Variants in TUSC3 observed in about 807,000 individuals in gnomAD.
TUSC3 encodes the protein dolichyl-diphosphooligosaccharide--protein glycosyltransferase subunit TUSC3.
In TUSC3, 45 loss-of-function variants were observed where a neutral mutation model predicts 44.8. The ratio of observed to expected loss-of-function variants is 1.00; its 90% CI spans 0.79 to 1.29. The LOEUF is 1.29. Ranked by LOEUF, TUSC3 falls within the 50% of genes most tolerant of loss-of-function variation. The probability of loss-of-function intolerance (pLI) is 0.00; values close to 1 mark genes in which losing one functional copy is unlikely to be tolerated. For missense variants in TUSC3, 519 were observed against 437.9 expected, an observed-to-expected ratio of 1.19 and a Z score of -1.65; for synonymous variants, 212 against 152.9, an observed-to-expected ratio of 1.39 and a Z score of -2.85.
chr8:15,508,745 G>A (rs1801094390), intron 2 of TUSC3, among the ~76,000 whole-genome samples: 2 of 152,126 alleles, frequency 1.3e-5, no homozygotes, highest in Non-Finnish European at 2.9e-5. Context: ...ACAGGCGTAA[G>A]CCACCGCACC....
the TUSC3 span, among the ~76,000 whole-genome samples, chr8:15,788,846 T>A: frequency 6.6e-6 from 1 of 152,182 alleles, no homozygotes; most frequent in African/African-American, 2.4e-5. Context: ...CTCTTAGTAA[T>A]GAGGGCGAGG....
chr8:15,499,768 T>G (rs1210143932), intron 2 of TUSC3, among the ~76,000 whole-genome samples: 4 of 152,122 alleles, frequency 2.6e-5, no homozygotes, highest in Non-Finnish European at 5.9e-5. Flanking sequence ...ACATCAGTCT[T>G]CTCCCTACAC....
intron 1 of TUSC3, among the ~76,000 whole-genome samples, chr8:15,462,094 G>T (rs1458863045): frequency 6.6e-6 from 1 of 152,022 alleles, no homozygotes; most frequent in East Asian, 1.9e-4. Context: ...TTGTTTAGCA[G>T]CCAGGAGAGA....
chr8:15,740,014 T>G (rs188930240), intron 7 of TUSC3, among the ~76,000 whole-genome samples: 13 of 152,282 alleles, frequency 8.5e-5, no homozygotes, highest in Non-Finnish European at 4.4e-5. Flanking sequence ...GGAGCTAAAA[T>G]TGTAGTGCTG....
intron 1 of TUSC3, among the ~76,000 whole-genome samples, chr8:15,465,472 A>G (rs1292509151): frequency 6.6e-6 from 1 of 152,218 alleles, no homozygotes; most frequent in Non-Finnish European, 1.5e-5. Flanking sequence ...CTCAGTCTAT[A>G]CCAACAATGA....
At chr8:15,634,628 A>T (rs188688662) in intron 2 of TUSC3, among the ~76,000 whole-genome samples, 295 of 152,318 alleles carry the variant, frequency 1.9e-3, no homozygotes, top group Middle Eastern at 0.01. Context: ...GAGCTGCACC[A>T]GTGTGTTTTT....
At chr8:15,835,374 A>ATT in the TUSC3 span, among the ~76,000 whole-genome samples, 1 of 151,570 alleles carries the variant, frequency 6.6e-6, no homozygotes, top group Non-Finnish European at 1.5e-5. Flanking sequence ...TGTTTTGCTG[A>ATT]TTTTTTTAAT....
intron 6 of TUSC3, chr8:15,689,378 G>C (rs1410763110): frequency 4.4e-6 from 1 of 227,256 alleles, no homozygotes; most frequent in Non-Finnish European, 8.9e-6. Context: ...GCTGGGGCCT[G>C]GGGGTGACAC....
chr8:15,841,524 T>C, the TUSC3 span, among the ~76,000 whole-genome samples: 1 of 152,128 alleles, frequency 6.6e-6, no homozygotes, highest in Non-Finnish European at 1.5e-5. Flanking sequence ...ACAAAATTTT[T>C]TTTTTTTTAG....
chr8:15,471,566 A>G (rs1441410630), intron 1 of TUSC3, among the ~76,000 whole-genome samples: 2 of 152,008 alleles, frequency 1.3e-5, no homozygotes, highest in African/African-American at 4.8e-5. Flanking sequence ...GAAAGACTTT[A>G]TGAATCATAG....
chr8:15,542,590 T>G (rs1368509283), intron 1 of TUSC3, among the ~76,000 whole-genome samples: 1 of 152,022 alleles, frequency 6.6e-6, no homozygotes, highest in African/African-American at 2.4e-5. Context: ...ATCTAAAAAG[T>G]GTACATGTTT....
intron 1 of TUSC3, among the ~76,000 whole-genome samples, chr8:15,620,698 T>A (rs1482853379): frequency 6.6e-6 from 1 of 152,118 alleles, no homozygotes; most frequent in Non-Finnish European, 1.5e-5. Context: ...ACTATTCCTC[T>A]GTGAGGAATT....
chr8:15,692,359 C>G (rs1808940298), intron 6 of TUSC3, among the ~76,000 whole-genome samples: 1 of 4,186 alleles, frequency 2.4e-4, no homozygotes, highest in African/African-American at 8.2e-4. Context: ...GGGAGGAGAC[C>G]CCCCCCCCCC....
At chr8:15,621,107 C>A (rs374858254) in intron 1 of TUSC3, among the ~76,000 whole-genome samples, 23 of 151,738 alleles carry the variant, frequency 1.5e-4, no homozygotes, top group African/African-American at 5.3e-4. Flanking sequence ...TAGTGGATTA[C>A]CCTGCTTGAT....
chr8:15,483,083 CA>C (rs1267447753), intron 1 of TUSC3, among the ~76,000 whole-genome samples: 1 of 152,062 alleles, frequency 6.6e-6, no homozygotes, highest in Non-Finnish European at 1.5e-5. Flanking sequence ...TATTCATACA[CA>C]TTGAACAGGA....
chr8:15,851,872 C>A, the TUSC3 span, among the ~76,000 whole-genome samples: 2 of 152,112 alleles, frequency 1.3e-5, no homozygotes, highest in Admixed American at 1.3e-4. Flanking sequence ...TGGGAGATAA[C>A]TGAATCATTG....
chr8:15,651,954 G>C (rs1806928350), intron 3 of TUSC3, among the ~76,000 whole-genome samples: 1 of 152,084 alleles, frequency 6.6e-6, no homozygotes, highest in Non-Finnish European at 1.5e-5. Flanking sequence ...TGTTGTTACT[G>C]GCTCCATTTC....
At chr8:15,807,716 T>C in the TUSC3 span, among the ~76,000 whole-genome samples, 2 of 152,138 alleles carry the variant, frequency 1.3e-5, no homozygotes, top group Non-Finnish European at 2.9e-5. Flanking sequence ...TTTGCAGCAA[T>C]GTGGATGCAG....
At chr8:15,691,459 G>A (rs1808896975) in intron 6 of TUSC3, among the ~76,000 whole-genome samples, 1 of 152,156 alleles carries the variant, frequency 6.6e-6, no homozygotes, top group South Asian at 2.1e-4. Context: ...TGCAAACATA[G>A]ATAGTTTGAC....
Sources: gnomAD v4.1 joint callset for allele counts (sites outside exome capture counted in the v4.1 genomes callset) on GRCh38, gnomAD v4.1.1 for gene constraint, MANE v1.5 for transcripts, NCBI Gene and HGNC (gene_info 2026-07-23, HGNC 2026-07-21) for gene names.